ABTB2: variants seen among roughly 807,000 people sequenced by gnomAD.
ABTB2 encodes ankyrin repeat and BTB domain containing 2, also known as ankyrin repeat and BTB/POZ domain-containing protein 2.
A neutral mutation model predicts 104.1 loss-of-function variants in ABTB2; 56 were observed. That is an observed-to-expected ratio of 0.54 (90% CI 0.43 to 0.67). The LOEUF (loss-of-function observed/expected upper bound fraction) is 0.67. ABTB2 is among the 30% of genes least tolerant of loss of function. The pLI, the probability that ABTB2 is intolerant of heterozygous loss-of-function variation, is 0.00. For synonymous variants in ABTB2, 606 were observed against 608.2 expected (o/e 1.00, Z 0.05); for missense variants, 1,279 against 1,407.7 (o/e 0.91, Z 1.46).
chr11:34,251,276 G>A (rs117716803), intron 1 of ABTB2, among the ~76,000 whole-genome samples: 1 of 152,360 alleles, frequency 6.6e-6, no homozygotes, highest in East Asian at 1.9e-4. Flanking sequence ...TCACTCAGCT[G>A]TGAATCATGC....
intron 1 of ABTB2, among the ~76,000 whole-genome samples, chr11:34,221,161 C>T (rs1300580870): frequency 2.0e-5 from 3 of 152,082 alleles, no homozygotes; most frequent in South Asian, 2.1e-4. Flanking sequence ...TTAGTAGAGA[C>T]GGGGTTTCAC....
At position 34,345,762 on chromosome 11, in the gene ABTB2, C is replaced by A. The variant is rs111843957; in HGVS notation, c.883+10939G>T. Among the ~76,000 whole-genome samples the A allele has an allele frequency of 1.3e-3, 205 of 152,334 alleles. 1 individual carries two copies. Among genetic ancestry groups the A allele is most frequent in the Non-Finnish European group, 2.5e-3 (169 of 68,016 alleles). On this transcript the variant is annotated intron_variant, in intron 1 of 16. Transcript: ENST00000435224. ...AGTCCAGAAGAACAGCTGCAAGCAA[C>A]TTGCTTCCAAATTGTGTCCCCATGT...
In ABTB2 at chr11:34,321,370, T is replaced by C. The variant is rs12225780; in HGVS notation, c.883+35331A>G. Among the ~76,000 whole-genome samples, 590 of 152,204 alleles carry C rather than the reference T, an allele frequency of 3.9e-3. 20 individuals are homozygous for C. The East Asian group carries it at 0.065, about 17-fold the overall frequency. On this transcript the variant is annotated intron_variant, in intron 1 of 16. Coordinates refer to ENST00000435224, the MANE Select transcript of ABTB2 (RefSeq NM_145804.3). Reference sequence around the variant, plus strand: ...AAAAGGAGAAATATTCACCAACCAATTGGAAAAAATAAAAACAGTGGTTTA... The same window carrying C: ...AAAAGGAGAAATATTCACCAACCAACTGGAAAAAATAAAAACAGTGGTTTA...
At chr11:34,261,326 C>T (rs1352450809) in intron 1 of ABTB2, among the ~76,000 whole-genome samples, 1 of 152,072 alleles carries the variant, frequency 6.6e-6, no homozygotes, top group Non-Finnish European at 1.5e-5. Flanking sequence ...TCCAGGCTTA[C>T]CACAAAGACA....
At chr11:34,312,934 G>A (rs754906593) in intron 1 of ABTB2, among the ~76,000 whole-genome samples, 1 of 152,210 alleles carries the variant, frequency 6.6e-6, no homozygotes, top group Non-Finnish European at 1.5e-5. Context: ...AAGCTAGCAA[G>A]TGGCAGAGCT....
At chr11:34,290,667 T>A (rs1854556689) in intron 1 of ABTB2, among the ~76,000 whole-genome samples, 1 of 150,818 alleles carries the variant, frequency 6.6e-6, no homozygotes, top group Non-Finnish European at 1.5e-5. Flanking sequence ...TATAGCAAGA[T>A]CCTCGTCTCT....
At chr11:34,334,836 T>C (rs1285159933) in intron 1 of ABTB2, among the ~76,000 whole-genome samples, 1 of 152,078 alleles carries the variant, frequency 6.6e-6, no homozygotes, top group Non-Finnish European at 1.5e-5. Context: ...ACTGAGGCCT[T>C]TTTCCAATAA....
intron 3 of ABTB2, among the ~76,000 whole-genome samples, chr11:34,186,862 G>C (rs1159460736): frequency 2.0e-5 from 3 of 152,238 alleles, no homozygotes; most frequent in African/African-American, 7.2e-5. Context: ...AAGTAGCTGA[G>C]AGCAAGCTGC....
At chr11:34,181,515 A>G (rs1475492343) in intron 3 of ABTB2, among the ~76,000 whole-genome samples, 1 of 152,150 alleles carries the variant, frequency 6.6e-6, no homozygotes, top group Non-Finnish European at 1.5e-5. Context: ...CTGGCAGGCC[A>G]AGCAAATGAG....
intron 1 of ABTB2, among the ~76,000 whole-genome samples, chr11:34,253,159 C>T (rs967402191): frequency 2.0e-5 from 3 of 152,220 alleles, no homozygotes; most frequent in South Asian, 2.1e-4. Context: ...AATCTCCACC[C>T]CCTTCTCCCA....
chr11:34,278,473 T>G (rs977993038), intron 1 of ABTB2, among the ~76,000 whole-genome samples: 3 of 152,202 alleles, frequency 2.0e-5, no homozygotes, highest in Non-Finnish European at 4.4e-5. Flanking sequence ...CTGTGCTACA[T>G]TTTCATAGTA....
rs191480211 is a variant in ABTB2 at position 34,193,608 on chromosome 11, G to A, written c.1244+3717C>T. ...CACTTGTGAAACGGAGGTAATGATA[G>A]CACCAAACTTGCTGAAGTTCTTTGG... On this transcript the variant is annotated intron_variant, in intron 3 of 16. Transcript: ENST00000435224. Among the ~76,000 whole-genome samples, 212 of 152,392 alleles carry A rather than the reference G, an allele frequency of 1.4e-3. 1 individual carries two copies. The highest frequency in any genetic ancestry group is 3.4e-3 in the Middle Eastern group (1 of 294).
chr11:34,162,896 G>A, intron 9 of ABTB2, 91 bp from the exon 10 acceptor site: 1 of 1,279,752 alleles, frequency 7.8e-7, no homozygotes. Context: ...TGCCCCGACG[G>A]GCTGCTCTGG....
chr11:34,194,225 CAAGGCAGTAGAGGAGGT>C (rs1290463004), intron 3 of ABTB2, among the ~76,000 whole-genome samples: 1 of 152,188 alleles, frequency 6.6e-6, no homozygotes, highest in Non-Finnish European at 1.5e-5. Context: ...CCCATGTGTG[CAAGGCAGTAGAGGAGGT>C]CACTTAATCC....
At chr11:34,257,383 G>A (rs1269735254) in intron 1 of ABTB2, among the ~76,000 whole-genome samples, 1 of 152,212 alleles carries the variant, frequency 6.6e-6, no homozygotes, top group East Asian at 1.9e-4. Context: ...TCTAAGAGGT[G>A]AAGGTGGAGG....
intron 1 of ABTB2, among the ~76,000 whole-genome samples, chr11:34,299,593 G>A (rs901643310): frequency 9.2e-5 from 14 of 152,204 alleles, no homozygotes; most frequent in Non-Finnish European, 1.9e-4. Context: ...CACTCCTGAT[G>A]GGACATTTTA....
At position 34,204,665 on chromosome 11, in the gene ABTB2, G is replaced by C. The variant is rs1331951351; in HGVS notation, c.909C>G (p.Phe303Leu). Residue 303 changes from phenylalanine (F) to leucine (L), a missense_variant, in exon 2 of 17, where the codon TTC becomes TTG. Coordinates refer to ENST00000435224, the MANE Select transcript of ABTB2 (RefSeq NM_145804.3). ...ANGVLSLPAYFSPYNGGSLGH... is the reference protein window; with the variant it reads ...ANGVLSLPAYLSPYNGGSLGH... The stretch of plus-strand genomic sequence containing the variant: ...CCAGGGACCCGCCGTTGTAGGGGCT[G>C]AAGTATGCGGGGAGGGAGAGGACAC... The C allele has an allele frequency of 6.2e-7, 1 of 1,613,952 alleles. No individual in the cohort carries two copies. Among genetic ancestry groups the C allele is most frequent in the South Asian group, 1.1e-5 (1 of 91,040 alleles).
In ABTB2 at chr11:34,152,205, G is replaced by GAACA. The variant is rs370689260; in HGVS notation, c.*178_*181dup. ...ATCTCCCCTTTGCCCATCAGTGATT[G>GAACA]AACAAACAGCTCTAGGGCAGAGGAG... On this transcript the variant is annotated 3_prime_UTR_variant, in exon 17 of 17. Coordinates refer to ENST00000435224, the MANE Select transcript of ABTB2 (RefSeq NM_145804.3). 7.9e-4 allele frequency: 528 copies of GAACA among 668,472 alleles called. 2 individuals are homozygous for GAACA. The African/African-American group carries it at 8.1e-3, about 10-fold the overall frequency. The allele number at this position is 668,472 out of a possible 1,614,324, so 41.4% of individuals were successfully genotyped here. A position where few individuals can be genotyped will look rare whatever the true frequency, so the allele number is the denominator to read the frequency against.
intron 3 of ABTB2, among the ~76,000 whole-genome samples, chr11:34,180,520 G>A (rs925680410): frequency 4.6e-5 from 7 of 152,336 alleles, no homozygotes; most frequent in Admixed American, 6.5e-5. Context: ...GATGGACAAA[G>A]CCACTTAAAA....
Sources: allele counts gnomAD v4.1 joint callset (sites outside exome capture counted in the v4.1 genomes callset), GRCh38; gene constraint gnomAD v4.1.1; transcripts MANE v1.5; gene names NCBI Gene and HGNC (gene_info 2026-07-23, HGNC 2026-07-21).